Variants in BRWD1 observed in about 807,000 individuals in gnomAD.
BRWD1 encodes the protein bromodomain and WD repeat domain containing 1.
In BRWD1, 82 loss-of-function variants were observed where a neutral mutation model predicts 251.2. That is an observed-to-expected ratio of 0.33 (90% confidence interval 0.27 to 0.39). The LOEUF is 0.39. Ranked by LOEUF, BRWD1 falls within the 10% of genes least tolerant of loss-of-function variation. BRWD1 has a pLI of 1.00. For missense variants in BRWD1, 2,233 were observed against 2,711.6 expected (o/e 0.82, Z 3.92); for synonymous variants, 918 against 902.8 (o/e 1.02, Z -0.30).
chr21:39,295,811 T>G lies in BRWD1; in HGVS notation c.541A>C (p.Arg181=), dbSNP rs762471422. 23 of 1,612,436 alleles carry G rather than the reference T, an allele frequency of 1.4e-5. No individual in the cohort carries two copies. Among genetic ancestry groups the G allele is most frequent in the Non-Finnish European group, 1.8e-5 (21 of 1,179,028 alleles). The stretch of plus-strand genomic sequence containing the variant: ...ACAGCAGATAGATGTCCGAGAATCC[T>G]TCTGTGCATTTTTATATGCTGATAC... ...TMYQHIKMHR[R]ILGHLSAVYC... is the part of the protein sequence containing the mutation. Residue 181 remains arginine (R), a synonymous_variant, in exon 7 of 41, where the codon AGG becomes CGG. Coordinates refer to ENST00000342449, the MANE Select transcript of BRWD1 (RefSeq NM_033656.4).
At chr21:39,215,867 G>A (rs967071792) in intron 31 of BRWD1, among the ~76,000 whole-genome samples, 2 of 152,082 alleles carry the variant, frequency 1.3e-5, no homozygotes, top group East Asian at 1.9e-4. Context: ...AGGCGTACTG[G>A]TGCGCACCTG....
At chr21:39,319,090 TGAA>T (rs1384566068) in intron 1 of BRWD1, among the ~76,000 whole-genome samples, 1 of 152,176 alleles carries the variant, frequency 6.6e-6, no homozygotes, top group African/African-American at 2.4e-5. Context: ...AAAGTAAAAA[TGAA>T]GAAGGTATCT....
Position 39,312,897 on chromosome 21 carries a change from A to G in BRWD1, c.142T>C (p.Leu48=), listed in dbSNP as rs766186577. 6 of 1,526,198 alleles carry G rather than the reference A, an allele frequency of 3.9e-6. No individual in the cohort carries two copies. The South Asian group carries it at 4.6e-5, about 12-fold the overall frequency. 94.5% of individuals were successfully genotyped at this position (1,526,198 alleles called of 1,614,324 possible). A position where few individuals can be genotyped will look rare whatever the true frequency, so the allele number is the denominator to read the frequency against. ...CCCTCCCAGTCCAATCTCTTCGGCA[A>G]CAACTGGAAAGACACGAAACGCACA... ...LVQELEQYQL[L]PKRLDWEGNE... Residue 48 remains leucine, a synonymous_variant, in exon 4 of 41, where the codon TTG becomes CTG. Transcript: ENST00000342449.
chr21:39,268,945 G>A (rs958940827), intron 15 of BRWD1, among the ~76,000 whole-genome samples: 3 of 151,978 alleles, frequency 2.0e-5, no homozygotes, highest in Non-Finnish European at 4.4e-5. Context: ...TTGAGATTGC[G>A]CCACTGCACT....
In BRWD1 at chr21:39,190,052, T is replaced by C. The variant is rs969412636; in HGVS notation, c.*6207A>G. ...CATCAGTAGTGTAAAACTGTACATC[T>C]GTAGTAGCACTCCATGATCATTTCC... On this transcript the variant is annotated 3_prime_UTR_variant, in exon 41 of 41. Coordinates refer to ENST00000342449, the MANE Select transcript of BRWD1 (RefSeq NM_033656.4). The C allele has an allele frequency of 2.6e-5, 26 of 985,288 alleles. No homozygotes were observed. In the African/African-American group the frequency reaches 4.5e-4, roughly 17 times the overall value. The allele number at this position is 985,288 out of a possible 1,614,324, so 61.0% of individuals were successfully genotyped here. A position where few individuals can be genotyped will look rare whatever the true frequency, so the allele number is the denominator to read the frequency against.
At chr21:39,299,662 C>T (rs2036055104) in intron 4 of BRWD1, among the ~76,000 whole-genome samples, 2 of 152,146 alleles carry the variant, frequency 1.3e-5, no homozygotes, top group Admixed American at 6.5e-5. Flanking sequence ...CCACAAAGTA[C>T]AAGCTTTTCT....
chr21:39,236,665 A>G lies in BRWD1; in HGVS notation c.2696T>C (p.Ile899Thr). 6.2e-7 allele frequency: 1 copy of G among 1,613,504 alleles called. No homozygotes were observed. The highest frequency in any genetic ancestry group is 8.5e-7 in the Non-Finnish European group (1 of 1,179,516). The change falls in exon 23 of 41, where the codon ATA becomes ACA. Residue 899 changes from isoleucine (I) to threonine (T), a missense_variant. Ile to Thr is a moderately conservative substitution (Grantham distance 89). This residue lies in a region of BRWD1 where 214 missense variants were observed against 222.0 expected (regional missense o/e 0.96). Coordinates refer to ENST00000342449, the MANE Select transcript of BRWD1 (RefSeq NM_033656.4). ...TGGAGGAGATAAATTCTCAGTAGAT[A>G]TTTCATCTTCTGAACTACTACAAAA... ...TRFCSSSEDE[I>T]STENLSPPKR...
chr21:39,255,495 C>T (rs1303216518), intron 19 of BRWD1, 150 bp downstream of exon 19: 2 of 647,644 alleles, frequency 3.1e-6, no homozygotes. Context: ...CTGACATTTT[C>T]CTACCACAAT....
chr21:39,262,219 G>A (rs1378116063), intron 17 of BRWD1, among the ~76,000 whole-genome samples: 1 of 152,136 alleles, frequency 6.6e-6, no homozygotes, highest in Non-Finnish European at 1.5e-5. Flanking sequence ...CGTGACAGTT[G>A]GATATTTCAA....
In BRWD1 at chr21:39,293,926, T is replaced by C; in HGVS notation, c.716A>G (p.Glu239Gly). The C allele has an allele frequency of 6.2e-7, 1 of 1,614,182 alleles. No individual in the cohort carries two copies. The highest frequency in any genetic ancestry group is 8.5e-7 in the Non-Finnish European group (1 of 1,180,034). ...GCTCCCCGCAGCAATCATTGTATTC[T>C]CATAGTTTACTGCCATATCTGAAAT... ...AEISDMAVNY[E>G]NTMIAAGSCD... The change falls in exon 8 of 41, where the codon GAG (glutamate) becomes GGG (glycine). Residue 239 changes from glutamate (E) to glycine (G), a missense_variant. Transcript: ENST00000342449.
At chr21:39,316,298 G>A (rs1007568899), upstream of BRWD1, among the ~76,000 whole-genome samples, 1 of 152,132 alleles carries the variant, frequency 6.6e-6, no homozygotes. Flanking sequence ...GGCTTTCCAA[G>A]GTTGTGCCAA....
chr21:39,254,423 TAGA>T (rs1568919786), intron 19 of BRWD1, among the ~76,000 whole-genome samples: 1 of 152,156 alleles, frequency 6.6e-6, no homozygotes, highest in East Asian at 1.9e-4. Flanking sequence ...CAGGGAGCCT[TAGA>T]AAAGAGGCTC....
chr21:39,288,494 T>C (rs2035709076), intron 8 of BRWD1, among the ~76,000 whole-genome samples: 1 of 152,140 alleles, frequency 6.6e-6, no homozygotes, highest in Non-Finnish European at 1.5e-5. Flanking sequence ...TCTATTGTGA[T>C]TTTTCTTCTT....
chr21:39,205,715 C>T (rs2032354387), intron 37 of BRWD1, among the ~76,000 whole-genome samples: 2 of 151,684 alleles, frequency 1.3e-5, no homozygotes, highest in Non-Finnish European at 1.5e-5. Context: ...AGGTTGCAGT[C>T]AGCCAAGATC....
chr21:39,207,001 CTT>C (rs1354284743), intron 36 of BRWD1, among the ~76,000 whole-genome samples: 1 of 152,116 alleles, frequency 6.6e-6, no homozygotes, highest in African/African-American at 2.4e-5. Context: ...TACCAGAAAA[CTT>C]TTTTAAAAAG....
intron 21 of BRWD1, among the ~76,000 whole-genome samples, chr21:39,247,089 A>AG (rs1373861755): frequency 7.3e-5 from 11 of 151,572 alleles, no homozygotes; most frequent in Non-Finnish European, 1.3e-4. Context: ...AAAAAAAAAA[A>AG]GGGCCCATTC....
chr21:39,222,392 G>C (rs1022856655), intron 29 of BRWD1, among the ~76,000 whole-genome samples: 2 of 152,138 alleles, frequency 1.3e-5, no homozygotes, highest in African/African-American at 4.8e-5. Flanking sequence ...AATCAAACAG[G>C]CCATGGCCCC....
chr21:39,213,432 T>C (rs752811580), intron 33 of BRWD1, 49 bp downstream of exon 33: 2 of 1,460,272 alleles, frequency 1.4e-6, no homozygotes. Flanking sequence ...ACTTTAAAAA[T>C]ACCATTTGAA....
chr21:39,296,726 A>C (rs1385268984), intron 5 of BRWD1: 16 of 753,918 alleles, frequency 2.1e-5, no homozygotes, highest in African/African-American at 7.0e-5. Context: ...GATCCACAGC[A>C]AATGATTGGT....
Sources: allele counts gnomAD v4.1 joint callset (sites outside exome capture counted in the v4.1 genomes callset), GRCh38; gene constraint gnomAD v4.1.1; regional missense constraint gnomAD v4.1.1; transcripts MANE v1.5; gene names NCBI Gene and HGNC (gene_info 2026-07-23, HGNC 2026-07-21).